The following SGCZ variants were observed in gnomAD, a reference collection of about 807,000 sequenced individuals.
The protein encoded by SGCZ is zeta-sarcoglycan.
A neutral mutation model predicts 41.3 loss-of-function variants in SGCZ; 40 were observed. That is an observed-to-expected ratio of 0.97 (90% CI 0.75 to 1.26). SGCZ has a LOEUF of 1.26. SGCZ is among the 50% of genes most tolerant of loss of function. SGCZ has a pLI of 0.00. For missense variants in SGCZ, 552 were observed against 369.8 expected (o/e 1.49, Z -4.04); for synonymous variants, 206 against 137.5 (o/e 1.50, Z -3.49).
intron 2 of SGCZ, among the ~76,000 whole-genome samples, chr8:14,515,975 G>A (rs1270248463): frequency 6.6e-6 from 1 of 151,494 alleles, no homozygotes; most frequent in Non-Finnish European, 1.5e-5. Context: ...AACTTAGTAA[G>A]CAATAATTAG....
chr8:14,247,256 T>G (rs554514381), intron 3 of SGCZ, among the ~76,000 whole-genome samples: 1 of 152,286 alleles, frequency 6.6e-6, no homozygotes, highest in Admixed American at 6.5e-5. Flanking sequence ...CTCTATGACT[T>G]TGCATTGTCC....
chr8:14,741,552 C>G (rs1023352302), intron 1 of SGCZ, among the ~76,000 whole-genome samples: 2 of 151,950 alleles, frequency 1.3e-5, no homozygotes, highest in African/African-American at 2.4e-5. Context: ...TATTTACATT[C>G]AAAACATTAA....
At chr8:14,575,378 T>C (rs1804675798) in intron 1 of SGCZ, among the ~76,000 whole-genome samples, 2 of 152,214 alleles carry the variant, frequency 1.3e-5, no homozygotes, top group Non-Finnish European at 2.9e-5. Context: ...GTTGTGTCCA[T>C]ATGAATTAGT....
At chr8:14,757,184 G>A (rs193290247) in intron 1 of SGCZ, among the ~76,000 whole-genome samples, 1 of 152,110 alleles carries the variant, frequency 6.6e-6, no homozygotes, top group African/African-American at 2.4e-5. Flanking sequence ...TAGTAGCTGG[G>A]ATTACAGGTG....
At chr8:14,157,600 A>T (rs945928274) in intron 5 of SGCZ, among the ~76,000 whole-genome samples, 9 of 151,966 alleles carry the variant, frequency 5.9e-5, no homozygotes, top group South Asian at 2.1e-4. Flanking sequence ...AAAAATAAAA[A>T]AAAAACATGG....
At chr8:14,460,063 A>G (rs1305279897) in intron 2 of SGCZ, among the ~76,000 whole-genome samples, 1 of 152,160 alleles carries the variant, frequency 6.6e-6, no homozygotes, top group East Asian at 1.9e-4. Context: ...CACTTGGTCA[A>G]CAGCATAGTA....
chr8:14,417,119 G>A (rs552121993), intron 2 of SGCZ, among the ~76,000 whole-genome samples: 1 of 151,814 alleles, frequency 6.6e-6, no homozygotes, highest in South Asian at 2.1e-4. Context: ...TTTCTTAGCT[G>A]TAAGAGCCCG....
At chr8:14,121,104 C>T (rs1282857600) in intron 5 of SGCZ, among the ~76,000 whole-genome samples, 4 of 151,980 alleles carry the variant, frequency 2.6e-5, no homozygotes, top group East Asian at 1.9e-4. Flanking sequence ...AAGAGAGTCC[C>T]CAGAAACAGA....
At chr8:14,425,801 C>T (rs1351607278) in intron 2 of SGCZ, among the ~76,000 whole-genome samples, 3 of 151,852 alleles carry the variant, frequency 2.0e-5, no homozygotes, top group South Asian at 2.1e-4. Flanking sequence ...AGACTATAAT[C>T]CCAAGCTAAT....
chr8:14,757,711 A>T (rs958907588), intron 1 of SGCZ, among the ~76,000 whole-genome samples: 1 of 152,220 alleles, frequency 6.6e-6, no homozygotes, highest in African/African-American at 2.4e-5. Context: ...GACCTTCCAA[A>T]TCGAATCAGA....
At chr8:15,196,470 A>G (rs562320016) in intron 1 of SGCZ, among the ~76,000 whole-genome samples, 6 of 152,298 alleles carry the variant, frequency 3.9e-5, no homozygotes, top group Non-Finnish European at 7.4e-5. Context: ...CTGCAAGTGA[A>G]AAGAATATGA....
intron 2 of SGCZ, among the ~76,000 whole-genome samples, chr8:14,363,673 A>G (rs1193945254): frequency 6.6e-6 from 1 of 152,170 alleles, no homozygotes; most frequent in African/African-American, 2.4e-5. Context: ...AGTTTTATTC[A>G]GTTAACAGTT....
At chr8:14,537,858 T>A (rs1387742352) in intron 2 of SGCZ, among the ~76,000 whole-genome samples, 1 of 151,896 alleles carries the variant, frequency 6.6e-6, no homozygotes, top group Non-Finnish European at 1.5e-5. Context: ...CATATCCTTA[T>A]CAGGAGGAAG....
intron 1 of SGCZ, among the ~76,000 whole-genome samples, chr8:14,695,725 T>C (rs189608150): frequency 1.5e-4 from 23 of 151,194 alleles, no homozygotes; most frequent in Non-Finnish European, 1.5e-4. Context: ...ACCAACAATA[T>C]ACAGTTTTCA....
chr8:14,509,355 G>A (rs960357228), intron 2 of SGCZ, among the ~76,000 whole-genome samples: 1 of 152,106 alleles, frequency 6.6e-6, no homozygotes, highest in African/African-American at 2.4e-5. Context: ...CACACCATTT[G>A]CAACTTAAAT....
chr8:14,901,625 C>T (rs1453280723), intron 1 of SGCZ, among the ~76,000 whole-genome samples: 6 of 151,806 alleles, frequency 4.0e-5, no homozygotes, highest in Non-Finnish European at 7.4e-5. Flanking sequence ...TGAAAAAATC[C>T]TTGGTCTATG....
At chr8:14,528,849 C>A (rs71524127) in intron 2 of SGCZ, among the ~76,000 whole-genome samples, 23,169 of 129,098 alleles carry the variant, frequency 0.18, 2,187 homozygotes, top group Admixed American at 0.21. Flanking sequence ...AAAACAAAAA[C>A]AAAAAAAGAG....
At chr8:14,226,664 A>C (rs1341785460) in intron 4 of SGCZ, among the ~76,000 whole-genome samples, 2 of 152,124 alleles carry the variant, frequency 1.3e-5, no homozygotes, top group Non-Finnish European at 2.9e-5. Flanking sequence ...TGCTGTGAAT[A>C]TCTATAGAAA....
intron 2 of SGCZ, among the ~76,000 whole-genome samples, chr8:14,423,062 C>T (rs1361896569): frequency 6.6e-6 from 1 of 152,002 alleles, no homozygotes; most frequent in East Asian, 1.9e-4. Flanking sequence ...CTAACTTTCA[C>T]CATTTGTTTT....
Sources: allele counts gnomAD v4.1 joint callset (sites outside exome capture counted in the v4.1 genomes callset), GRCh38; gene constraint gnomAD v4.1.1; transcripts MANE v1.5; gene names NCBI Gene and HGNC (gene_info 2026-07-23, HGNC 2026-07-21).